The following GTF2I variants were observed in gnomAD, a reference collection of about 807,000 sequenced individuals.
GTF2I encodes the protein general transcription factor II-I.
Under a neutral mutation model 67.6 loss-of-function variants are expected in GTF2I, and 12 were observed. The ratio of observed to expected loss-of-function variants is 0.18; its 90% CI spans 0.11 to 0.29. The LOEUF (loss-of-function observed/expected upper bound fraction) is 0.29. Ranked by LOEUF, GTF2I falls within the 10% of genes least tolerant of loss-of-function variation. The probability of loss-of-function intolerance (pLI) is 1.00; values close to 1 mark genes in which losing one functional copy is unlikely to be tolerated. For synonymous variants in GTF2I, 149 were observed against 197.0 expected, an observed-to-expected ratio of 0.76 and a Z score of 2.04; for missense variants, 271 against 580.1, an observed-to-expected ratio of 0.47 and a Z score of 5.47.
At chr7:74,690,304 A>G (rs374432579) in intron 2 of GTF2I, among the ~76,000 whole-genome samples, 1 of 152,172 alleles carries the variant, frequency 6.6e-6, no homozygotes, top group East Asian at 1.9e-4. Context: ...GGAATCACCA[A>G]CCTTTTAAAT....
intron 1 of GTF2I, among the ~76,000 whole-genome samples, chr7:74,666,716 C>T (rs1350544689): frequency 6.6e-6 from 1 of 151,584 alleles, no homozygotes; most frequent in Non-Finnish European, 1.5e-5. Flanking sequence ...ACCTGTAATC[C>T]CAGCACTTTG....
chr7:74,722,363 C>A (rs1793133441), intron 12 of GTF2I, among the ~76,000 whole-genome samples: 1 of 152,290 alleles, frequency 6.6e-6, no homozygotes, highest in Non-Finnish European at 1.5e-5. Flanking sequence ...AACACCGTGA[C>A]TACATTTCTG....
Position 74,753,953 on chromosome 7 carries a change from G to GC in GTF2I, c.2754dup (p.Ser919GlnfsTer24). Reference sequence around the variant, plus strand: ...CATGCCCCCGGGGGTGTCCTTCAAAGCCCCCAGCTACCTGGAAATCAGCTC... The same window carrying GC: ...CATGCCCCCGGGGGTGTCCTTCAAAGCCCCCCAGCTACCTGGAAATCAGCTC... On this transcript the variant is annotated frameshift_variant, in exon 30 of 35. Transcript: ENST00000573035. LOFTEE classifies it high-confidence loss of function. 8.6e-6 allele frequency: 2 copies of GC among 233,306 alleles called. No individual in the cohort carries two copies. Among genetic ancestry groups the GC allele is most frequent in the Non-Finnish European group, 1.2e-5 (2 of 160,428 alleles). The allele number at this position is 233,306 out of a possible 1,614,324, so 14.5% of individuals were successfully genotyped here.
chr7:74,688,188 CCT>C (rs1787912031), intron 1 of GTF2I, among the ~76,000 whole-genome samples: 1 of 152,102 alleles, frequency 6.6e-6, no homozygotes. Context: ...AAGCGATTCC[CCT>C]GTCTCAGACT....
chr7:74,679,435 C>G (rs1319193246), intron 1 of GTF2I, among the ~76,000 whole-genome samples: 1 of 151,964 alleles, frequency 6.6e-6, no homozygotes, highest in Non-Finnish European at 1.5e-5. Context: ...GATGCTGATA[C>G]AGAAAGTTCA....
At chr7:74,693,057 C>T (rs1430114388) in intron 3 of GTF2I, among the ~76,000 whole-genome samples, 1 of 151,966 alleles carries the variant, frequency 6.6e-6, no homozygotes, top group African/African-American at 2.4e-5. Flanking sequence ...CCACTGTGCC[C>T]GACCGGGCAT....
At chr7:74,721,739 G>A (rs1355084219) in intron 12 of GTF2I, among the ~76,000 whole-genome samples, 4 of 151,790 alleles carry the variant, frequency 2.6e-5, no homozygotes, top group African/African-American at 7.3e-5. Context: ...TTAGATACCC[G>A]TAGTTAGGAA....
intron 8 of GTF2I, among the ~76,000 whole-genome samples, chr7:74,709,631 T>A (rs1216159872): frequency 6.6e-6 from 1 of 152,078 alleles, no homozygotes; most frequent in African/African-American, 2.4e-5. Context: ...CCCCAGTGGA[T>A]CTGCCTTTTT....
chr7:74,672,893 T>C (rs1289694161), intron 1 of GTF2I, among the ~76,000 whole-genome samples: 1 of 152,130 alleles, frequency 6.6e-6, no homozygotes, highest in Non-Finnish European at 1.5e-5. Flanking sequence ...CAGAGTCTCA[T>C]TCTGCTGCCC....
At chr7:74,659,812 G>C (rs1243777155) in intron 1 of GTF2I, among the ~76,000 whole-genome samples, 5 of 152,172 alleles carry the variant, frequency 3.3e-5, no homozygotes, top group African/African-American at 1.2e-4. Context: ...CAAAGTGGTG[G>C]GAGTACAGGC....
intron 9 of GTF2I, among the ~76,000 whole-genome samples, chr7:74,711,421 GATA>G (rs1172828185): frequency 2.6e-5 from 4 of 152,130 alleles, no homozygotes; most frequent in African/African-American, 9.7e-5. Context: ...GGCAAATGCA[GATA>G]ATGTCAGCTT....
intron 3 of GTF2I, among the ~76,000 whole-genome samples, chr7:74,697,881 G>C (rs918342216): frequency 6.6e-6 from 1 of 151,976 alleles, no homozygotes; most frequent in Non-Finnish European, 1.5e-5. Flanking sequence ...CAATTCTCCT[G>C]CCTCAGCCTC....
chr7:74,693,238 C>A (rs1788518075), intron 3 of GTF2I, among the ~76,000 whole-genome samples: 1 of 126,516 alleles, frequency 7.9e-6, no homozygotes, highest in Non-Finnish European at 1.7e-5. Flanking sequence ...GAGACTTTTT[C>A]ATGATTATTG....
intron 1 of GTF2I, chr7:74,688,861 T>C (rs952686904): frequency 2.7e-6 from 1 of 374,254 alleles, no homozygotes; most frequent in South Asian, 3.7e-5. Context: ...GAAATTTCAC[T>C]GATTCTGGGT....
intron 1 of GTF2I, among the ~76,000 whole-genome samples, chr7:74,680,099 A>AAAAATATATATATATATATATATAT: frequency 1.1e-5 from 1 of 94,954 alleles, no homozygotes; most frequent in Non-Finnish European, 2.1e-5. Context: ...AAAAAAAAAA[A>AAAAATATATATATATATATATATAT]ATATATATAT....
At chr7:74,664,519 C>T (rs368446400) in intron 1 of GTF2I, among the ~76,000 whole-genome samples, 121 of 152,254 alleles carry the variant, frequency 7.9e-4, no homozygotes, top group African/African-American at 2.7e-3. Context: ...CTGCAACTCT[C>T]GCCTCCCAGG....
intron 9 of GTF2I, 142 bp from the exon 10 acceptor site, chr7:74,714,715 C>T: frequency 1.9e-6 from 1 of 536,754 alleles, no homozygotes; most frequent in South Asian, 2.8e-5. Context: ...CTCATCTTGT[C>T]AGTCTTTTTT....
chr7:74,684,509 T>C (rs1787522525), intron 1 of GTF2I: 1 of 152,314 alleles, frequency 6.6e-6, no homozygotes. Context: ...TGGCAGTTTC[T>C]TTCTGGGAAG....
intron 18 of GTF2I, among the ~76,000 whole-genome samples, chr7:74,737,418 C>T (rs1413794926): frequency 2.2e-5 from 3 of 134,988 alleles, no homozygotes; most frequent in African/African-American, 8.0e-5. Flanking sequence ...GCCACGTGGG[C>T]GTGGTGGGGT....
Sources: allele counts gnomAD v4.1 joint callset (sites outside exome capture counted in the v4.1 genomes callset), GRCh38; gene constraint gnomAD v4.1.1; transcripts MANE v1.5; gene names NCBI Gene and HGNC (gene_info 2026-07-23, HGNC 2026-07-21).